UQCR11: variants seen among roughly 807,000 people sequenced by gnomAD.
UQCR11 encodes the protein ubiquinol-cytochrome c reductase, complex III subunit XI.
Under a neutral mutation model 7.6 loss-of-function variants are expected in UQCR11, and 10 were observed. The observed-to-expected ratio is 1.31, with a 90% CI of 0.81 to 2.22. UQCR11 has a LOEUF of 2.22. Among genes scored for constraint, UQCR11 ranks in the 30% most tolerant of loss-of-function variants. UQCR11 has a pLI of 0.00. For synonymous variants in UQCR11, 34 were observed against 34.9 expected, an observed-to-expected ratio of 0.97 and a Z score of 0.09; for missense variants, 86 against 75.1, an observed-to-expected ratio of 1.15 and a Z score of -0.54.
intron 1 of UQCR11, among the ~76,000 whole-genome samples, chr19:1,604,747 T>C (rs1350739978): frequency 6.6e-6 from 1 of 152,054 alleles, no homozygotes; most frequent in African/African-American, 2.4e-5. Flanking sequence ...CAGGCTGGTC[T>C]CGAACTCCTG....
chr19:1,605,114 G>A (rs2060758130), intron 1 of UQCR11, among the ~76,000 whole-genome samples: 2 of 152,244 alleles, frequency 1.3e-5, no homozygotes, highest in Admixed American at 1.3e-4. Context: ...GGAAACTGAG[G>A]CTTGGAGCGG....
chr19:1,600,000 A>C (rs1484515236), intron 1 of UQCR11, among the ~76,000 whole-genome samples: 2 of 152,242 alleles, frequency 1.3e-5, no homozygotes, highest in Non-Finnish European at 2.9e-5. Flanking sequence ...GAGGCCACAC[A>C]GCTGGCGAGG....
Position 1,599,575 on chromosome 19 carries a change from G to A in UQCR11, c.51-15C>T. The A allele has an allele frequency of 6.2e-7, 1 of 1,605,398 alleles. No individual in the cohort carries two copies. The highest frequency in any genetic ancestry group is 8.5e-7 in the Non-Finnish European group (1 of 1,179,882). On this transcript the variant is annotated splice_polypyrimidine_tract_variant and intron_variant, in intron 1 of 2. Coordinates refer to ENST00000591899, the MANE Select transcript of UQCR11 (RefSeq NM_006830.4). ...CCGTCGGGACCCTGCGAGAGGAGAGGGGATGGTCAGGCCTGCTCTGGACCC... is the reference window on the plus strand; with the variant it reads ...CCGTCGGGACCCTGCGAGAGGAGAGAGGATGGTCAGGCCTGCTCTGGACCC...
intron 1 of UQCR11, among the ~76,000 whole-genome samples, chr19:1,601,176 A>T (rs2060746134): frequency 6.6e-6 from 1 of 152,148 alleles, no homozygotes; most frequent in African/African-American, 2.4e-5. Context: ...CTCAAAAAAA[A>T]GAAAAAGACT....
At chr19:1,598,655 G>A (rs1169454933) in intron 2 of UQCR11, among the ~76,000 whole-genome samples, 3 of 152,202 alleles carry the variant, frequency 2.0e-5, no homozygotes, top group African/African-American at 4.8e-5. Context: ...AGGGTGCAGT[G>A]AGCTGAGATC....
chr19:1,600,036 T>G (rs887390), intron 1 of UQCR11, among the ~76,000 whole-genome samples: 2 of 152,200 alleles, frequency 1.3e-5, no homozygotes, highest in African/African-American at 2.4e-5. Context: ...TCCAAGCTCA[T>G]GCTCTTGCCC....
intron 1 of UQCR11, among the ~76,000 whole-genome samples, chr19:1,603,386 A>G (rs2060752722): frequency 6.6e-6 from 1 of 152,150 alleles, no homozygotes; most frequent in African/African-American, 2.4e-5. Flanking sequence ...GTGGATCACG[A>G]GGTCAGAAGA....
At chr19:1,604,956 G>T (rs1161905851) in intron 1 of UQCR11, among the ~76,000 whole-genome samples, 1 of 152,272 alleles carries the variant, frequency 6.6e-6, no homozygotes, top group East Asian at 1.9e-4. Flanking sequence ...CGCAGCTGAA[G>T]CTTTCACGCT....
intron 1 of UQCR11, among the ~76,000 whole-genome samples, chr19:1,605,094 G>A (rs554443133): frequency 5.3e-5 from 8 of 152,374 alleles, no homozygotes; most frequent in Middle Eastern, 3.4e-3. Flanking sequence ...GGATCCCCCG[G>A]TAGAGATGGG....
rs113927061 is a variant in UQCR11 at position 1,598,047 on chromosome 19, A to T, written c.*197T>A. On this transcript the variant is annotated 3_prime_UTR_variant, in exon 3 of 3. Transcript: ENST00000591899. ...CAGCATGATCAACATCCGGGCACGG[A>T]GCAGGTTTCAGTGAGGTTTAATGCA... 1 of 152,258 alleles carries T rather than the reference A, an allele frequency of 6.6e-6. No individual in the cohort carries two copies. The highest frequency in any genetic ancestry group is 1.5e-5 in the Non-Finnish European group (1 of 68,056). 9.4% of individuals were successfully genotyped at this position (152,258 alleles called of 1,614,324 possible).
chr19:1,602,990 A>C (rs2060751594), intron 1 of UQCR11, among the ~76,000 whole-genome samples: 1 of 152,194 alleles, frequency 6.6e-6, no homozygotes, highest in Non-Finnish European at 1.5e-5. Flanking sequence ...AGCAGGGCCT[A>C]GAAGGGGTGT....
At chr19:1,604,086 C>G (rs767283155) in intron 1 of UQCR11, among the ~76,000 whole-genome samples, 1 of 151,988 alleles carries the variant, frequency 6.6e-6, no homozygotes, top group Non-Finnish European at 1.5e-5. Flanking sequence ...GCTGGGATTA[C>G]AGGCACGCGC....
At chr19:1,604,226 T>G (rs1568283499) in intron 1 of UQCR11, among the ~76,000 whole-genome samples, 1 of 151,960 alleles carries the variant, frequency 6.6e-6, no homozygotes, top group Non-Finnish European at 1.5e-5. Flanking sequence ...ATTACAGGCG[T>G]GAGTCACTGC....
chr19:1,601,365 G>A (rs1191954626), intron 1 of UQCR11, among the ~76,000 whole-genome samples: 1 of 152,216 alleles, frequency 6.6e-6, no homozygotes, highest in Non-Finnish European at 1.5e-5. Context: ...CACTTTGGGA[G>A]GGTGAGGTGG....
intron 1 of UQCR11, among the ~76,000 whole-genome samples, chr19:1,603,298 T>C (rs776954204): frequency 3.3e-5 from 5 of 152,144 alleles, no homozygotes; most frequent in Non-Finnish European, 7.4e-5. Context: ...CCCTAACACA[T>C]AGTAGGTGCT....
At chr19:1,600,476 G>A (rs148324002) in intron 1 of UQCR11, among the ~76,000 whole-genome samples, 11,490 of 152,168 alleles carry the variant, frequency 0.076, 1,045 homozygotes, top group African/African-American at 0.21. Context: ...GCCTCCCAAA[G>A]TGCTGGGATT....
intron 1 of UQCR11, among the ~76,000 whole-genome samples, chr19:1,601,759 G>A (rs1336931962): frequency 6.6e-6 from 1 of 152,164 alleles, no homozygotes; most frequent in Admixed American, 6.5e-5. Flanking sequence ...TGTGAGATAA[G>A]CAGCATTTGC....
intron 1 of UQCR11, among the ~76,000 whole-genome samples, chr19:1,604,577 G>C (rs1356108926): frequency 1.3e-5 from 2 of 151,762 alleles, no homozygotes; most frequent in East Asian, 1.9e-4. Flanking sequence ...ACCCAGGCTG[G>C]AGTGCAATGG....
chr19:1,603,864 G>A (rs2060754160), intron 1 of UQCR11, among the ~76,000 whole-genome samples: 1 of 152,228 alleles, frequency 6.6e-6, no homozygotes, highest in African/African-American at 2.4e-5. Context: ...CCACCGTGCA[G>A]ACCCTGTCCC....
Sources: allele counts gnomAD v4.1 joint callset (sites outside exome capture counted in the v4.1 genomes callset), GRCh38; gene constraint gnomAD v4.1.1; transcripts MANE v1.5; gene names NCBI Gene and HGNC (gene_info 2026-07-23, HGNC 2026-07-21).